ZNF280D: variants seen among roughly 807,000 people sequenced by gnomAD.
ZNF280D encodes suppressor of hairy wing homolog 4.
ZNF280D carries 39 observed loss-of-function variants against 94.7 expected under a neutral mutation model. That is an observed-to-expected ratio of 0.41 (90% confidence interval 0.32 to 0.54). ZNF280D has a LOEUF of 0.54. Among genes scored for constraint, ZNF280D ranks in the 20% least tolerant of loss-of-function variants. The probability of loss-of-function intolerance (pLI) is 0.22; values close to 1 mark genes in which losing one functional copy is unlikely to be tolerated. For missense variants in ZNF280D, 1,090 were observed against 1,149.3 expected, an observed-to-expected ratio of 0.95 and a Z score of 0.75; for synonymous variants, 398 against 377.6, an observed-to-expected ratio of 1.05 and a Z score of -0.63.
chr15:56,727,526 C>T (rs2058684840), intron 1 of ZNF280D, among the ~76,000 whole-genome samples: 1 of 152,128 alleles, frequency 6.6e-6, no homozygotes, highest in South Asian at 2.1e-4. Context: ...AAGGGGAGGG[C>T]ACAGAACTCT....
At chr15:56,707,220 G>C (rs998873392) in intron 2 of ZNF280D, 43 bp downstream of exon 2, 9 of 1,593,790 alleles carry the variant, frequency 5.6e-6, no homozygotes, top group Non-Finnish European at 7.7e-6. Flanking sequence ...ATGAAACTTG[G>C]GATTCACAAA....
intron 21 of ZNF280D, 44 bp downstream of exon 21, chr15:56,635,151 T>C (rs767938290): frequency 1.6e-6 from 2 of 1,253,056 alleles, no homozygotes; most frequent in Admixed American, 4.3e-5. Context: ...AGTGTTATTT[T>C]GTATACTTGA....
chr15:56,725,457 T>A (rs1467716903), intron 1 of ZNF280D, among the ~76,000 whole-genome samples: 2 of 152,190 alleles, frequency 1.3e-5, no homozygotes, highest in Non-Finnish European at 2.9e-5. Context: ...ACAAAAAATT[T>A]AAAGAGTGGT....
At chr15:56,697,459 A>G (rs756373873) in intron 6 of ZNF280D, among the ~76,000 whole-genome samples, 14 of 152,230 alleles carry the variant, frequency 9.2e-5, no homozygotes, top group Non-Finnish European at 1.3e-4. Context: ...TGCTGGGACT[A>G]CAGGCGTGAG....
intron 20 of ZNF280D, among the ~76,000 whole-genome samples, chr15:56,640,995 T>A (rs115147971): frequency 6.6e-6 from 1 of 152,068 alleles, no homozygotes; most frequent in Admixed American, 6.6e-5. Context: ...GTTTAGAAAT[T>A]CAAAATCTGA....
chr15:56,676,611 C>A lies in ZNF280D; in HGVS notation c.1410+59G>T. On this transcript the variant is annotated intron_variant, in intron 13 of 21. Transcript: ENST00000267807. ...GAACAAATCTAAAGATTCTCCAAGT[C>A]ATAATCAGTTTTTTCACTAAGACAA... 3 of 1,441,380 alleles carry A rather than the reference C, an allele frequency of 2.1e-6. No homozygotes were observed. In the South Asian group the frequency reaches 4.2e-5, roughly 20 times the overall value. 89.3% of individuals were successfully genotyped at this position (1,441,380 alleles called of 1,614,324 possible).
In ZNF280D at chr15:56,631,843, C is replaced by A; in HGVS notation, c.2595G>T (p.Gln865His). Reference sequence around the variant, plus strand: ...CTTCACTGGAGTTGTGATCTTTAATCTGATCAGATAAGATTATGTTTTCTG... The same window carrying A: ...CTTCACTGGAGTTGTGATCTTTAATATGATCAGATAAGATTATGTTTTCTG... ...QSSENIILSD[Q>H]IKDHNSSEAR... Residue 865 changes from glutamine to histidine, a missense_variant, in exon 22 of 22, where the codon CAG becomes CAT. Physicochemically the swap from Gln to His is conservative, Grantham distance 24 (BLOSUM62 0). Transcript: ENST00000267807. The A allele has an allele frequency of 6.2e-7, 1 of 1,613,908 alleles. No individual in the cohort carries two copies. The highest frequency in any genetic ancestry group is 8.5e-7 in the Non-Finnish European group (1 of 1,180,014).
At chr15:56,640,483 TTTAAAAGTAGGAGAA>T (rs1374615206) in intron 20 of ZNF280D, among the ~76,000 whole-genome samples, 1 of 152,034 alleles carries the variant, frequency 6.6e-6, no homozygotes, top group Non-Finnish European at 1.5e-5. Context: ...TATTGAAAAA[TTTAAAAGTAGGAGAA>T]TTAAACTCAC....
In ZNF280D at chr15:56,635,136, G is replaced by A. The variant is rs543023417; in HGVS notation, c.2315+59C>T. ...TGCCAGTTAACTGTGAAATAATGCA[G>A]CTCAAGTGTTATTTTGTATACTTGA... On this transcript the variant is annotated intron_variant, in intron 21 of 21. Coordinates refer to ENST00000267807, the MANE Select transcript of ZNF280D (RefSeq NM_017661.4). 9.5e-6 allele frequency: 10 copies of A among 1,049,510 alleles called. No homozygotes were observed. In the East Asian group the frequency reaches 2.8e-4, roughly 30 times the overall value. The allele number at this position is 1,049,510 out of a possible 1,614,324, so 65.0% of individuals were successfully genotyped here. A position where few individuals can be genotyped will look rare whatever the true frequency, so the allele number is the denominator to read the frequency against.
At chr15:56,666,259 A>G in intron 16 of ZNF280D, 136 bp downstream of exon 16, 1 of 805,684 alleles carries the variant, frequency 1.2e-6, no homozygotes, top group East Asian at 2.9e-5. Flanking sequence ...GCAATATCCT[A>G]AAAGTTCCTT....
chr15:56,698,989 C>T (rs2056905611), intron 6 of ZNF280D: 1 of 152,152 alleles, frequency 6.6e-6, no homozygotes, highest in African/African-American at 2.4e-5. Context: ...CCACCTAAGC[C>T]ATGACCTGAT....
chr15:56,705,518 C>A (rs2057352292), intron 3 of ZNF280D, among the ~76,000 whole-genome samples: 1 of 152,138 alleles, frequency 6.6e-6, no homozygotes, highest in Non-Finnish European at 1.5e-5. Flanking sequence ...AACCTATTTT[C>A]CTCATCTATA....
chr15:56,632,401 G>A (rs189609265), intron 21 of ZNF280D, among the ~76,000 whole-genome samples: 69 of 151,090 alleles, frequency 4.6e-4, no homozygotes, highest in Non-Finnish European at 7.4e-5. Flanking sequence ...CATATCTCTT[G>A]CCTGTTTCTA....
chr15:56,640,687 T>A (rs1830371857), intron 20 of ZNF280D, among the ~76,000 whole-genome samples: 4 of 152,116 alleles, frequency 2.6e-5, no homozygotes. Context: ...CATAAAAAAA[T>A]GTTATATTAA....
At position 56,729,353 on chromosome 15, in the gene ZNF280D, C is replaced by G. The variant is rs2058778008; in HGVS notation, c.-86+4105G>C. Among the ~76,000 whole-genome samples the G allele has an allele frequency of 3.9e-5, 6 of 152,342 alleles. No homozygotes were observed. In the South Asian group the frequency reaches 1.2e-3, roughly 32 times the overall value. The stretch of plus-strand genomic sequence containing the variant: ...CACTGTTAGGAAGAACAGCATTGAA[C>G]TTCTGTGAATTTTCACAAATGGAAA... On this transcript the variant is annotated intron_variant, in intron 1 of 21. Coordinates refer to ENST00000267807, the MANE Select transcript of ZNF280D (RefSeq NM_017661.4).
intron 6 of ZNF280D, chr15:56,700,652 G>C: frequency 2.2e-6 from 3 of 1,369,174 alleles, no homozygotes; most frequent in Non-Finnish European, 1.9e-6. Flanking sequence ...CAATATTTAT[G>C]GCTGACTATA....
At chr15:56,687,023 A>T (rs2056072218) in intron 9 of ZNF280D, among the ~76,000 whole-genome samples, 1 of 152,150 alleles carries the variant, frequency 6.6e-6, no homozygotes, top group African/African-American at 2.4e-5. Flanking sequence ...ATAATGTAAA[A>T]ATCACATTCT....
At chr15:56,637,905 C>T (rs1478190575) in intron 20 of ZNF280D, among the ~76,000 whole-genome samples, 1 of 151,282 alleles carries the variant, frequency 6.6e-6, no homozygotes, top group Admixed American at 6.6e-5. Context: ...TTTTGTGTGA[C>T]AAAATGCAAA....
At chr15:56,703,081 G>T (rs796695140) in intron 4 of ZNF280D, among the ~76,000 whole-genome samples, 6 of 152,134 alleles carry the variant, frequency 3.9e-5, no homozygotes, top group African/African-American at 1.4e-4. Flanking sequence ...TTGTTTCTCT[G>T]CACTGTCATA....
Sources: allele counts gnomAD v4.1 joint callset (sites outside exome capture counted in the v4.1 genomes callset), GRCh38; gene constraint gnomAD v4.1.1; transcripts MANE v1.5; gene names NCBI Gene and HGNC (gene_info 2026-07-23, HGNC 2026-07-21).